Variants in TTC28 observed in about 807,000 individuals in gnomAD.
TTC28 encodes the protein tetratricopeptide repeat domain 28.
TTC28 carries 61 observed loss-of-function variants against 198.0 expected under a neutral mutation model. The ratio of observed to expected loss-of-function variants is 0.31; its 90% CI spans 0.25 to 0.38. The LOEUF (loss-of-function observed/expected upper bound fraction) is 0.38. Among genes scored for constraint, TTC28 ranks in the 10% least tolerant of loss-of-function variants. The pLI is 1.00. For synonymous variants in TTC28, 1,171 were observed against 1,297.8 expected (o/e 0.90, Z 2.10); for missense variants, 2,678 against 3,164.0 (o/e 0.85, Z 3.69).
At chr22:28,487,330 T>C (rs1381994446) in intron 2 of TTC28, among the ~76,000 whole-genome samples, 3 of 151,888 alleles carry the variant, frequency 2.0e-5, no homozygotes, top group African/African-American at 7.2e-5. Flanking sequence ...CCTGGAAATC[T>C]TGCCACCCAG....
At chr22:28,135,342 C>A (rs886913638) in intron 6 of TTC28, among the ~76,000 whole-genome samples, 20 of 152,226 alleles carry the variant, frequency 1.3e-4, no homozygotes, top group African/African-American at 4.3e-4. Context: ...GGATTATTTA[C>A]AAAATATGCA....
chr22:28,528,336 C>A (rs1411487158), intron 2 of TTC28, among the ~76,000 whole-genome samples: 1 of 152,040 alleles, frequency 6.6e-6, no homozygotes, highest in Non-Finnish European at 1.5e-5. Flanking sequence ...TTGCAAAGTT[C>A]TTATCTTTTA....
chr22:28,514,323 C>T (rs1299723545), intron 2 of TTC28, among the ~76,000 whole-genome samples: 2 of 152,086 alleles, frequency 1.3e-5, no homozygotes, highest in South Asian at 2.1e-4. Flanking sequence ...CTGATAAAAC[C>T]CAACTCTACT....
intron 2 of TTC28, among the ~76,000 whole-genome samples, chr22:28,595,346 G>T (rs142922932): frequency 6.6e-6 from 1 of 152,148 alleles, no homozygotes; most frequent in African/African-American, 2.4e-5. Context: ...AGTGCCTCAG[G>T]AGAATGGTTT....
At chr22:28,268,969 T>C (rs902573094) in intron 5 of TTC28, among the ~76,000 whole-genome samples, 5 of 152,232 alleles carry the variant, frequency 3.3e-5, no homozygotes, top group African/African-American at 9.6e-5. Context: ...ATAAAGAAAG[T>C]ACGCTATATC....
In TTC28 at chr22:28,328,801, T is replaced by TAAA. The variant is rs1555969022; in HGVS notation, c.382-22159_382-22158insTTT. Among the ~76,000 whole-genome samples, 306 of 96,342 alleles carry TAAA rather than the reference T, an allele frequency of 3.2e-3. 5 individuals carry two copies. The highest frequency in any genetic ancestry group is 0.011 in the African/African-American group (285 of 24,958). 63.2% of individuals were successfully genotyped at this position (96,342 alleles called of 152,430 possible). A position where few individuals can be genotyped will look rare whatever the true frequency, so the allele number is the denominator to read the frequency against. On this transcript the variant is annotated intron_variant, in intron 2 of 22. Coordinates refer to ENST00000397906, the MANE Select transcript of TTC28 (RefSeq NM_001145418.2). ...ATAATAATAATAATAATAATAATAATAATATGTTCTGAAGAGGTATAAGCT... is the reference window on the plus strand; with the variant it reads ...ATAATAATAATAATAATAATAATAATAAAAATATGTTCTGAAGAGGTATAAGCT...
chr22:28,161,574 T>C (rs746007559), intron 6 of TTC28, among the ~76,000 whole-genome samples: 76 of 151,806 alleles, frequency 5.0e-4, no homozygotes, highest in Non-Finnish European at 9.1e-4. Flanking sequence ...GGATCACTTT[T>C]GCTCAGGAGT....
intron 2 of TTC28, among the ~76,000 whole-genome samples, chr22:28,391,487 T>C (rs892264302): frequency 7.9e-5 from 12 of 152,198 alleles, no homozygotes; most frequent in Admixed American, 6.5e-4. Flanking sequence ...ACCAATCAGA[T>C]GTAGATTTGG....
chr22:28,012,727 G>C (rs1478994280), intron 14 of TTC28, among the ~76,000 whole-genome samples: 1 of 152,150 alleles, frequency 6.6e-6, no homozygotes, highest in Non-Finnish European at 1.5e-5. Context: ...GCCCAGGCTA[G>C]TCTCGAACTC....
chr22:28,648,408 T>A (rs2051510778), intron 1 of TTC28, among the ~76,000 whole-genome samples: 1 of 152,184 alleles, frequency 6.6e-6, no homozygotes, highest in African/African-American at 2.4e-5. Context: ...TGCAAATTAG[T>A]ACAACATCTG....
rs370917225 is a variant in TTC28 at position 27,982,851 on chromosome 22, G to C, written c.6816C>G (p.Pro2272=). The change falls in exon 23 of 23, where the codon CCC becomes CCG. Residue 2272 remains proline (P), a synonymous_variant. Coordinates refer to ENST00000397906, the MANE Select transcript of TTC28 (RefSeq NM_001145418.2). This position sits in a 1 kb window ranked among gnomAD's most constrained non-coding sequence, Gnocchi z 5.2. ...GCTGGGAAGTCTGTGAGTCGCAGCC[G>C]GGCGATGGCCGGCCACTGTGCTGGC... ...SPSQHSGRPS[P]GCDSQTSQLD... 1 of 1,544,286 alleles carries C rather than the reference G, an allele frequency of 6.5e-7. No individual in the cohort carries two copies. Among genetic ancestry groups the C allele is most frequent in the Admixed American group, 2.0e-5 (1 of 50,580 alleles).
intron 2 of TTC28, among the ~76,000 whole-genome samples, chr22:28,484,573 T>C (rs1200901055): frequency 6.6e-6 from 1 of 152,190 alleles, no homozygotes; most frequent in East Asian, 1.9e-4. Context: ...ACATCCTATG[T>C]ACTCATCATA....
At chr22:28,288,536 G>A (rs1035967429) in intron 5 of TTC28, among the ~76,000 whole-genome samples, 5 of 152,056 alleles carry the variant, frequency 3.3e-5, no homozygotes, top group African/African-American at 1.2e-4. Context: ...GGCTGGGCGC[G>A]GTGGCTCACG....
intron 2 of TTC28, among the ~76,000 whole-genome samples, chr22:28,366,879 G>C (rs1234220305): frequency 1.3e-5 from 2 of 152,022 alleles, no homozygotes; most frequent in Admixed American, 6.6e-5. Context: ...ATTTCACCAA[G>C]AGGATATAAC....
intron 12 of TTC28, among the ~76,000 whole-genome samples, chr22:28,070,008 C>A (rs1459133418): frequency 2.6e-5 from 4 of 150,984 alleles, no homozygotes; most frequent in Non-Finnish European, 5.9e-5. Flanking sequence ...TGGTATTAAC[C>A]CAGGTTGCTC....
At position 28,679,685 on chromosome 22, in the gene TTC28, T is replaced by C; in HGVS notation, c.39A>G (p.Gln13=). The C allele has an allele frequency of 2.0e-5, 26 of 1,317,848 alleles. No homozygotes were observed. The highest frequency in any genetic ancestry group is 2.3e-5 in the Non-Finnish European group (24 of 1,037,164). The allele number at this position is 1,317,848 out of a possible 1,614,324, so 81.6% of individuals were successfully genotyped here. A position where few individuals can be genotyped will look rare whatever the true frequency, so the allele number is the denominator to read the frequency against. Residue 13 remains glutamine (Q), a synonymous_variant, in exon 1 of 23, where the codon CAA becomes CAG. Transcript: ENST00000397906. The part of the protein sequence containing the change: ...QSPPPAPEPT[Q]GPTPARSRRR... ...TTCGGCTCCTTGCGGGGGTCGGCCC[T>C]TGGGTCGGCTCGGGCGCCGGCGGCG...
intron 14 of TTC28, among the ~76,000 whole-genome samples, chr22:28,008,772 A>G (rs546323125): frequency 1.4e-4 from 22 of 152,276 alleles, no homozygotes; most frequent in African/African-American, 5.3e-4. Flanking sequence ...TTGGGATCTG[A>G]GTGGACGAGT....
In TTC28 at chr22:28,604,297, TTATATATATA is replaced by T. The variant is rs35077140; in HGVS notation, c.381+25245_381+25254del. On this transcript the variant is annotated intron_variant, in intron 2 of 22. Coordinates refer to ENST00000397906, the MANE Select transcript of TTC28 (RefSeq NM_001145418.2). The stretch of plus-strand genomic sequence containing the variant: ...AGTCTTAAACAGAAAAAAAAAAAAA[TTATATATATA>T]TATATATATATATATGTCTTTACCA... Among the ~76,000 whole-genome samples the T allele has an allele frequency of 3.2e-3, 361 of 114,138 alleles. 15 individuals carry two copies. The highest frequency in any genetic ancestry group is 0.012 in the African/African-American group (341 of 28,550). 74.9% of individuals were successfully genotyped at this position (114,138 alleles called of 152,430 possible). A position where few individuals can be genotyped will look rare whatever the true frequency, so the allele number is the denominator to read the frequency against.
chr22:28,275,719 G>A (rs183803681), intron 5 of TTC28, among the ~76,000 whole-genome samples: 1 of 151,808 alleles, frequency 6.6e-6, no homozygotes, highest in Admixed American at 6.6e-5. Context: ...CAGTGGGAGG[G>A]AGGAAAGGGG....
Sources: gnomAD v4.1 joint callset for allele counts (sites outside exome capture counted in the v4.1 genomes callset) on GRCh38, gnomAD v4.1.1 for gene constraint, Gnocchi (gnomAD v3.1) non-coding constraint, MANE v1.5 for transcripts, NCBI Gene and HGNC (gene_info 2026-07-23, HGNC 2026-07-21) for gene names.